Variants in PTPRK observed in about 807,000 individuals in gnomAD.
PTPRK encodes protein tyrosine phosphatase receptor type K, also known as receptor-type tyrosine-protein phosphatase kappa.
PTPRK carries 75 observed loss-of-function variants against 178.0 expected under a neutral mutation model. The ratio of observed to expected loss-of-function variants is 0.42; its 90% CI spans 0.35 to 0.51. The LOEUF is 0.51. PTPRK is among the 20% of genes least tolerant of loss of function. The probability of loss-of-function intolerance (pLI) is 0.02; values close to 1 mark genes in which losing one functional copy is unlikely to be tolerated. For missense variants in PTPRK, 1,441 were observed against 1,797.8 expected (o/e 0.80, Z 3.59); for synonymous variants, 637 against 620.6 (o/e 1.03, Z -0.39).
rs78076112 is a variant in PTPRK at position 128,024,086 on chromosome 6, G to A, written c.2195-14818C>T. On this transcript the variant is annotated intron_variant, in intron 13 of 29. Transcript: ENST00000368226. ...TCCCAAACAGGCATTTAACATACCC[G>A]CACAATTCAAAGCTACTTAAATATT... 5.2e-3 allele frequency among the ~76,000 whole-genome samples: 785 copies of A among 152,056 alleles called. 7 individuals are homozygous for A. Among genetic ancestry groups the A allele is most frequent in the African/African-American group, 0.018 (734 of 41,492 alleles).
rs754157792 is a variant in PTPRK, at chr6:128,507,412, C to CA, written c.100+12846dup. 7.2e-4 allele frequency among the ~76,000 whole-genome samples: 110 copies of CA among 152,242 alleles called. 1 individual carries two copies. The highest frequency in any genetic ancestry group is 1.3e-3 in the Non-Finnish European group (91 of 68,002). Reference sequence around the variant, plus strand: ...GTGGGCCTCTTTTAAGACAGAAGTTCAAAATCCCCATTTCCTGGTAAGACC... The same window carrying CA: ...GTGGGCCTCTTTTAAGACAGAAGTTCAAAAATCCCCATTTCCTGGTAAGACC... On this transcript the variant is annotated intron_variant, in intron 1 of 29. Coordinates refer to ENST00000368226, the MANE Select transcript of PTPRK (RefSeq NM_002844.4).
intron 13 of PTPRK, among the ~76,000 whole-genome samples, chr6:128,039,345 G>A (rs1582659819): frequency 6.6e-6 from 1 of 152,134 alleles, no homozygotes; most frequent in African/African-American, 2.4e-5. Context: ...TTAAAAAACA[G>A]TGTATTTTTC....
chr6:128,377,574 TA>T (rs1837280803), intron 2 of PTPRK, among the ~76,000 whole-genome samples: 1 of 152,278 alleles, frequency 6.6e-6, no homozygotes, highest in East Asian at 1.9e-4. Flanking sequence ...GACTTGTAAG[TA>T]ATAGACAACT....
intron 1 of PTPRK, among the ~76,000 whole-genome samples, chr6:128,489,668 A>G (rs953696410): frequency 7.2e-5 from 11 of 152,200 alleles, no homozygotes; most frequent in African/African-American, 2.4e-4. Flanking sequence ...CCATGTACAC[A>G]TTGTCTGTTC....
intron 7 of PTPRK, among the ~76,000 whole-genome samples, chr6:128,123,999 G>C (rs766682389): frequency 8.6e-4 from 130 of 151,442 alleles, no homozygotes; most frequent in Non-Finnish European, 1.7e-3. Flanking sequence ...TAGTCTTTTA[G>C]AGCCCACCTA....
chr6:127,978,732 TA>T (rs1376939232), intron 25 of PTPRK, among the ~76,000 whole-genome samples: 1 of 152,128 alleles, frequency 6.6e-6, no homozygotes, highest in South Asian at 2.1e-4. Context: ...GAGGAGCTGA[TA>T]AGAGAGGAGA....
At chr6:128,018,244 CAT>C (rs1397944172) in intron 13 of PTPRK, among the ~76,000 whole-genome samples, 3 of 151,964 alleles carry the variant, frequency 2.0e-5, no homozygotes, top group Non-Finnish European at 2.9e-5. Context: ...GAATAGGTAA[CAT>C]ATTAAAAATG....
chr6:128,067,420 T>C (rs1049451318), intron 12 of PTPRK, 99 bp downstream of exon 12: 12 of 1,293,768 alleles, frequency 9.3e-6, no homozygotes, highest in Admixed American at 2.8e-5. Flanking sequence ...ATTTTCTTTT[T>C]CTTTTTTTTT....
chr6:128,336,966 C>T (rs1456556671), intron 2 of PTPRK, among the ~76,000 whole-genome samples: 1 of 152,118 alleles, frequency 6.6e-6, no homozygotes. Flanking sequence ...TCCATAAAAA[C>T]CTTGCCATGC....
chr6:128,498,959 A>G (rs941201749), intron 1 of PTPRK, among the ~76,000 whole-genome samples: 5 of 152,210 alleles, frequency 3.3e-5, no homozygotes, highest in Admixed American at 2.6e-4. Flanking sequence ...AATTATTTCA[A>G]TGTTCCATTG....
Position 128,083,828 on chromosome 6 carries a change from C to T in PTPRK, c.1466-4G>A. On this transcript the variant is annotated splice_polypyrimidine_tract_variant and splice_region_variant and intron_variant, in intron 8 of 29. Coordinates refer to ENST00000368226, the MANE Select transcript of PTPRK (RefSeq NM_002844.4). ...TTTACTGGTACGGGACCAGGCACTA[C>T]AAAACACATGAATTTTTTGTTATGA... is the stretch of plus-strand genomic sequence containing the variant. 2 of 1,511,436 alleles carry T rather than the reference C, an allele frequency of 1.3e-6. No individual in the cohort carries two copies. Among genetic ancestry groups the T allele is most frequent in the Non-Finnish European group, 8.9e-7 (1 of 1,119,360 alleles). The allele number at this position is 1,511,436 out of a possible 1,614,324, so 93.6% of individuals were successfully genotyped here.
intron 6 of PTPRK, among the ~76,000 whole-genome samples, chr6:128,192,907 A>C: frequency 6.8e-6 from 1 of 146,790 alleles, no homozygotes; most frequent in East Asian, 2.1e-4. Context: ...GAAGGGAGGA[A>C]GAGAAGAAGG....
chr6:128,434,962 TGCAGGCAG>T lies in PTPRK; in HGVS notation c.101-37282_101-37275del, dbSNP rs373811894. Among the ~76,000 whole-genome samples the T allele has an allele frequency of 1.4e-3, 207 of 150,060 alleles. 1 individual carries two copies. Among genetic ancestry groups the T allele is most frequent in the African/African-American group, 3.7e-3 (149 of 40,540 alleles). On this transcript the variant is annotated intron_variant, in intron 1 of 29. Coordinates refer to ENST00000368226, the MANE Select transcript of PTPRK (RefSeq NM_002844.4). ...TCACTTGAGCCTAGGAGGTCAAGGT[TGCAGGCAG>T]GCAGGCAGGCAGGCAGGCAGGCAGG...
intron 7 of PTPRK, among the ~76,000 whole-genome samples, chr6:128,168,547 C>T (rs1799744950): frequency 6.6e-6 from 1 of 152,044 alleles, no homozygotes; most frequent in Non-Finnish European, 1.5e-5. Flanking sequence ...AAGGGAGAAT[C>T]ACCACCCGAG....
At chr6:127,976,857 T>A in intron 26 of PTPRK, 66 bp downstream of exon 26, 1 of 1,610,430 alleles carries the variant, frequency 6.2e-7, no homozygotes, top group Non-Finnish European at 8.5e-7. Context: ...AAAGCAGATT[T>A]TAGCAATTCA....
chr6:128,079,826 T>C (rs1270327523), intron 10 of PTPRK, among the ~76,000 whole-genome samples: 1 of 152,040 alleles, frequency 6.6e-6, no homozygotes, highest in Admixed American at 6.6e-5. Context: ...AAAATGTTAG[T>C]GGCCAAAAGT....
chr6:128,009,383 A>T (rs1778805835), intron 13 of PTPRK, 115 bp from the exon 14 acceptor site: 1 of 911,196 alleles, frequency 1.1e-6, no homozygotes, highest in South Asian at 1.9e-5. Flanking sequence ...ATTAATAAAA[A>T]TAATCCCACA....
chr6:128,040,424 CAGCAG>C (rs1190083092), intron 13 of PTPRK, among the ~76,000 whole-genome samples: 1 of 151,958 alleles, frequency 6.6e-6, no homozygotes, highest in African/African-American at 2.4e-5. Flanking sequence ...ACCTGGGAAA[CAGCAG>C]CAAATAGATC....
At chr6:128,283,740 C>T (rs1303151317) in intron 3 of PTPRK, among the ~76,000 whole-genome samples, 1 of 152,062 alleles carries the variant, frequency 6.6e-6, no homozygotes, top group Non-Finnish European at 1.5e-5. Flanking sequence ...ATAAACTGCC[C>T]TTGAAAGGAG....
Sources: gnomAD v4.1 joint callset for allele counts (sites outside exome capture counted in the v4.1 genomes callset) on GRCh38, gnomAD v4.1.1 for gene constraint, MANE v1.5 for transcripts, NCBI Gene and HGNC (gene_info 2026-07-23, HGNC 2026-07-21) for gene names.